The following UST variants were observed in gnomAD, a reference collection of about 807,000 sequenced individuals.
The protein encoded by UST is uronyl 2-sulfotransferase.
In UST, 21 loss-of-function variants were observed where a neutral mutation model predicts 45.6. The ratio of observed to expected loss-of-function variants is 0.46; its 90% CI spans 0.33 to 0.66. The LOEUF (loss-of-function observed/expected upper bound fraction) is 0.66. UST is among the 30% of genes least tolerant of loss of function. The probability of loss-of-function intolerance (pLI) is 0.02; values close to 1 mark genes in which losing one functional copy is unlikely to be tolerated. For synonymous variants in UST, 215 were observed against 200.6 expected (o/e 1.07, Z -0.61); for missense variants, 463 against 512.4 (o/e 0.90, Z 0.93).
chr6:148,939,108 A>G (rs1780076382), intron 2 of UST, among the ~76,000 whole-genome samples: 1 of 152,194 alleles, frequency 6.6e-6, no homozygotes, highest in Admixed American at 6.5e-5. Flanking sequence ...GAAGAATTCT[A>G]TTTATAATGA....
chr6:148,929,948 T>C (rs1779890671), intron 2 of UST, among the ~76,000 whole-genome samples: 2 of 152,138 alleles, frequency 1.3e-5, no homozygotes, highest in Non-Finnish European at 2.9e-5. Context: ...CAATTCCACA[T>C]AGCCAAATCA....
At chr6:148,777,811 C>T (rs1006065579) in intron 1 of UST, among the ~76,000 whole-genome samples, 1 of 152,204 alleles carries the variant, frequency 6.6e-6, no homozygotes, top group Non-Finnish European at 1.5e-5. Context: ...CCTCCGTAAT[C>T]CCAAAGTGTT....
At chr6:148,871,143 T>TCTCTCTCTCTCTCTCTCC (rs1345024482) in intron 1 of UST, among the ~76,000 whole-genome samples, 1 of 147,310 alleles carries the variant, frequency 6.8e-6, no homozygotes, top group Non-Finnish European at 1.5e-5. Context: ...TCTCTCTCTC[T>TCTCTCTCTCTCTCTCTCC]CTCCCTCTCT....
intron 1 of UST, among the ~76,000 whole-genome samples, chr6:148,800,375 C>T (rs372012304): frequency 1.4e-4 from 22 of 152,204 alleles, no homozygotes; most frequent in African/African-American, 5.1e-4. Flanking sequence ...ATCTTTCTTC[C>T]TCCCCCATCT....
At chr6:148,804,254 A>G (rs563360620) in intron 1 of UST, among the ~76,000 whole-genome samples, 43 of 152,260 alleles carry the variant, frequency 2.8e-4, no homozygotes, top group Admixed American at 2.3e-3. Flanking sequence ...AGAGAGGGAA[A>G]TGGTCCTTCT....
chr6:149,067,274 G>A (rs964976040), intron 7 of UST, among the ~76,000 whole-genome samples: 1 of 152,162 alleles, frequency 6.6e-6, no homozygotes, highest in Non-Finnish European at 1.5e-5. Flanking sequence ...TAGGGGAGGT[G>A]ACTGAAGGCA....
chr6:148,907,097 T>A (rs1779378333), intron 2 of UST, among the ~76,000 whole-genome samples: 1 of 152,132 alleles, frequency 6.6e-6, no homozygotes, highest in Admixed American at 6.6e-5. Context: ...AAATAACAGA[T>A]TAACGTGTAC....
At chr6:148,907,518 T>C (rs958682487) in intron 2 of UST, among the ~76,000 whole-genome samples, 2 of 152,196 alleles carry the variant, frequency 1.3e-5, no homozygotes, top group African/African-American at 2.4e-5. Context: ...GGCCTTTTTC[T>C]CTGTAAAGAT....
chr6:148,877,740 AG>A (rs1778714225), intron 1 of UST, among the ~76,000 whole-genome samples: 1 of 24,118 alleles, frequency 4.1e-5, no homozygotes, highest in Admixed American at 5.2e-4. Context: ...GTATGAGTGC[AG>A]GGGGTCGTGT....
At chr6:148,988,476 A>G (rs955840612) in intron 5 of UST, among the ~76,000 whole-genome samples, 5 of 147,006 alleles carry the variant, frequency 3.4e-5, no homozygotes, top group African/African-American at 1.0e-4. Flanking sequence ...CAGGAGGCTG[A>G]GGCACAAGAA....
At chr6:148,843,222 A>G (rs1489167583) in intron 1 of UST, among the ~76,000 whole-genome samples, 1 of 152,266 alleles carries the variant, frequency 6.6e-6, no homozygotes, top group Non-Finnish European at 1.5e-5. Context: ...CTATTACATT[A>G]GACAGCAAAG....
intron 1 of UST, among the ~76,000 whole-genome samples, chr6:148,827,163 C>T (rs1030094868): frequency 6.6e-6 from 1 of 152,216 alleles, no homozygotes; most frequent in African/African-American, 2.4e-5. Context: ...AAGTATGACT[C>T]ACTTTGGGGT....
intron 1 of UST, among the ~76,000 whole-genome samples, chr6:148,885,864 T>C (rs1170104588): frequency 6.6e-6 from 1 of 152,232 alleles, no homozygotes; most frequent in African/African-American, 2.4e-5. Flanking sequence ...GACACTGACC[T>C]TATCCCCCAA....
chr6:148,844,271 A>C (rs1777942625), intron 1 of UST, among the ~76,000 whole-genome samples: 1 of 152,208 alleles, frequency 6.6e-6, no homozygotes. Context: ...CAGCCCTGGG[A>C]GGTAAGGCTG....
At chr6:148,924,127 G>A (rs1250462724) in intron 2 of UST, among the ~76,000 whole-genome samples, 3 of 152,118 alleles carry the variant, frequency 2.0e-5, no homozygotes, top group Non-Finnish European at 4.4e-5. Flanking sequence ...TAGAAGATGG[G>A]TCAGCAAACT....
At chr6:148,977,954 T>C (rs1281035673) in intron 5 of UST, among the ~76,000 whole-genome samples, 2 of 152,116 alleles carry the variant, frequency 1.3e-5, no homozygotes, top group Non-Finnish European at 2.9e-5. Context: ...TTCTGTTATA[T>C]CTCTCCAGAG....
Position 148,776,921 on chromosome 6 carries a change from G to T in UST, c.247+29244G>T, listed in dbSNP as rs569157093. ...TGGGTGCACTCTTGGGTCTGTTGTA[G>T]GTTTGCATCTCCTGTGTGGTCCCTT... On this transcript the variant is annotated intron_variant, in intron 1 of 7. Transcript: ENST00000367463. Among the ~76,000 whole-genome samples, 5 of 152,306 alleles carry T rather than the reference G, an allele frequency of 3.3e-5. No individual in the cohort carries two copies. The East Asian group carries it at 9.7e-4, about 29-fold the overall frequency.
At chr6:148,928,549 G>A (rs1240322828) in intron 2 of UST, among the ~76,000 whole-genome samples, 1 of 152,186 alleles carries the variant, frequency 6.6e-6, no homozygotes, top group Non-Finnish European at 1.5e-5. Context: ...CATCCATCCT[G>A]GTGGAGATTT....
At chr6:148,891,513 T>A (rs1368308791) in intron 2 of UST, among the ~76,000 whole-genome samples, 1 of 152,212 alleles carries the variant, frequency 6.6e-6, no homozygotes, top group Non-Finnish European at 1.5e-5. Context: ...AATTTTTAAA[T>A]CCTTACTTTA....
Sources: allele counts gnomAD v4.1 joint callset (sites outside exome capture counted in the v4.1 genomes callset), GRCh38; gene constraint gnomAD v4.1.1; transcripts MANE v1.5; gene names NCBI Gene and HGNC (gene_info 2026-07-23, HGNC 2026-07-21).